CSMD3: variants seen among roughly 807,000 people sequenced by gnomAD.
The protein encoded by CSMD3 is CUB and Sushi multiple domains 3.
Under a neutral mutation model 435.2 loss-of-function variants are expected in CSMD3, and 177 were observed. The ratio of observed to expected loss-of-function variants is 0.41; its 90% CI spans 0.36 to 0.46. CSMD3 has a LOEUF of 0.46. CSMD3 is among the 20% of genes least tolerant of loss of function. CSMD3 has a pLI of 0.34. For missense variants in CSMD3, 4,265 were observed against 4,504.6 expected (o/e 0.95, Z 1.52); for synonymous variants, 1,656 against 1,520.5 (o/e 1.09, Z -2.07).
intron 13 of CSMD3, among the ~76,000 whole-genome samples, chr8:112,727,758 T>A (rs2076996319): frequency 6.6e-6 from 1 of 151,898 alleles, no homozygotes; most frequent in Admixed American, 6.6e-5. Flanking sequence ...TTACAATAAG[T>A]ATATTTTACC....
intron 5 of CSMD3, among the ~76,000 whole-genome samples, chr8:113,064,745 A>G (rs1439083182): frequency 6.6e-6 from 1 of 152,172 alleles, no homozygotes; most frequent in Non-Finnish European, 1.5e-5. Flanking sequence ...ATAAAATTAA[A>G]CATGCCACAA....
At chr8:113,057,255 C>A (rs1412704924) in intron 5 of CSMD3, among the ~76,000 whole-genome samples, 1 of 152,064 alleles carries the variant, frequency 6.6e-6, no homozygotes, top group Non-Finnish European at 1.5e-5. Flanking sequence ...ATTTCAGAAG[C>A]CCTGGCCTTA....
intron 1 of CSMD3, among the ~76,000 whole-genome samples, chr8:113,429,989 C>G (rs1287557043): frequency 6.6e-6 from 1 of 152,076 alleles, no homozygotes; most frequent in African/African-American, 2.4e-5. Context: ...AAATCAATAT[C>G]AGAATGCAGG....
chr8:112,661,446 C>A lies in CSMD3; in HGVS notation c.2816+4831G>T, dbSNP rs527712955. On this transcript the variant is annotated intron_variant, in intron 17 of 70. Coordinates refer to ENST00000297405, the MANE Select transcript of CSMD3 (RefSeq NM_198123.2). ...GGACAGAGAAAATAGTGCCTTCAAA[C>A]AAAAGTCCAAAATCAAATGTCAGAG... Among the ~76,000 whole-genome samples, 7 of 152,196 alleles carry A rather than the reference C, an allele frequency of 4.6e-5. 1 individual carries two copies. The highest frequency in any genetic ancestry group is 3.9e-4 in the Admixed American group (6 of 15,286).
chr8:113,383,204 G>A (rs574267016), intron 1 of CSMD3, among the ~76,000 whole-genome samples: 15 of 152,160 alleles, frequency 9.9e-5, no homozygotes, highest in African/African-American at 3.6e-4. Flanking sequence ...CAAAAGAGTA[G>A]GGGAATTAGG....
chr8:113,158,371 G>A (rs1310665380), intron 4 of CSMD3, among the ~76,000 whole-genome samples: 1 of 151,946 alleles, frequency 6.6e-6, no homozygotes, highest in Non-Finnish European at 1.5e-5. Flanking sequence ...GGTTCATGAA[G>A]TACATGTATC....
rs1223454596 is a variant in CSMD3 at position 112,492,471 on chromosome 8, A to G, written c.5278+18T>C. ...TTTTTCTAATCATGAAAATTCAGCC[A>G]AAAAATATGTTCCTTACCATGACAA... On this transcript the variant is annotated intron_variant, in intron 31 of 70. Coordinates refer to ENST00000297405, the MANE Select transcript of CSMD3 (RefSeq NM_198123.2). 4.4e-6 allele frequency: 7 copies of G among 1,605,686 alleles called. No individual in the cohort carries two copies. In the African/African-American group the frequency reaches 6.7e-5, roughly 15 times the overall value.
intron 5 of CSMD3, among the ~76,000 whole-genome samples, chr8:113,080,890 GA>G (rs1305907516): frequency 6.6e-6 from 1 of 152,028 alleles, no homozygotes; most frequent in East Asian, 1.9e-4. Context: ...CTGTTATTTT[GA>G]AGCAATGAAA....
chr8:112,715,274 C>T (rs376256478), intron 13 of CSMD3, among the ~76,000 whole-genome samples: 27 of 152,162 alleles, frequency 1.8e-4, no homozygotes, highest in African/African-American at 6.5e-4. Context: ...TACAAACTAC[C>T]ATCAGAGAAT....
chr8:112,871,269 C>T (rs958329074), intron 10 of CSMD3, among the ~76,000 whole-genome samples: 4 of 152,000 alleles, frequency 2.6e-5, no homozygotes, highest in African/African-American at 4.8e-5. Context: ...AATAATTTTT[C>T]AGAAATTATA....
chr8:113,219,991 A>T (rs564486939), intron 3 of CSMD3, among the ~76,000 whole-genome samples: 9 of 151,672 alleles, frequency 5.9e-5, no homozygotes, highest in African/African-American at 1.9e-4. Context: ...ACAATTCAAT[A>T]TATAAAATAG....
Position 112,314,011 on chromosome 8 carries a change from C to T in CSMD3, c.7591G>A (p.Asp2531Asn), listed in dbSNP as rs2130831771. ...GTTATATTAAAAGCAGATGAATAATCCCCACTGAGGGAAATAAGCACTGGA... is the reference window on the plus strand; with the variant it reads ...GTTATATTAAAAGCAGATGAATAATTCCCACTGAGGGAAATAAGCACTGGA... Reference protein sequence around the residue: ...QSPVLISLSGDYSSAFNITSN... With the variant: ...QSPVLISLSGNYSSAFNITSN... Residue 2531 changes from aspartate (D) to asparagine (N), a missense_variant, in exon 49 of 71, where the codon GAT (aspartate) becomes AAT (asparagine). Transcript: ENST00000297405. 1 of 1,610,690 alleles carries T rather than the reference C, an allele frequency of 6.2e-7. No individual in the cohort carries two copies. Among genetic ancestry groups the T allele is most frequent in the Middle Eastern group, 1.7e-4 (1 of 6,040 alleles).
intron 10 of CSMD3, among the ~76,000 whole-genome samples, chr8:112,896,434 A>G (rs1237103684): frequency 1.3e-5 from 2 of 151,474 alleles, no homozygotes. Flanking sequence ...TTAGACTACC[A>G]AGTTTTGAGA....
chr8:112,718,515 GTATATA>G (rs35810260), intron 13 of CSMD3, among the ~76,000 whole-genome samples: 43 of 140,462 alleles, frequency 3.1e-4, no homozygotes, highest in African/African-American at 1.0e-3. Context: ...GTATATATAT[GTATATA>G]TATATATATA....
At chr8:112,501,592 T>C (rs1453824552) in intron 30 of CSMD3, among the ~76,000 whole-genome samples, 3 of 152,332 alleles carry the variant, frequency 2.0e-5, no homozygotes, top group Middle Eastern at 3.4e-3. Context: ...TTTTTGAGTT[T>C]ACATTGGTAC....
chr8:112,415,076 G>A (rs998372317), intron 32 of CSMD3, among the ~76,000 whole-genome samples: 3 of 152,172 alleles, frequency 2.0e-5, no homozygotes, highest in African/African-American at 7.2e-5. Context: ...CATAAGTAAT[G>A]AGGAGCCAGA....
intron 58 of CSMD3, 37 bp from the exon 59 acceptor site, chr8:112,281,387 T>C (rs1207507267): frequency 6.4e-7 from 1 of 1,560,596 alleles, no homozygotes; most frequent in African/African-American, 1.4e-5. Context: ...ATATAAAAAA[T>C]GCAATCAGAA....
At chr8:112,915,059 A>C (rs966626897) in intron 10 of CSMD3, among the ~76,000 whole-genome samples, 1 of 151,942 alleles carries the variant, frequency 6.6e-6, no homozygotes, top group African/African-American at 2.4e-5. Flanking sequence ...TCTACATCAC[A>C]GGGGAATTTT....
chr8:112,494,494 C>CTTTTCTTTCTTT (rs377610586), intron 30 of CSMD3, among the ~76,000 whole-genome samples: 415 of 40,224 alleles, frequency 0.01, 62 homozygotes, highest in South Asian at 0.023. Flanking sequence ...TTCTTTCTCT[C>CTTTTCTTTCTTT]CTTTCTTTCT....
Sources: gnomAD v4.1 joint callset for allele counts (sites outside exome capture counted in the v4.1 genomes callset) on GRCh38, gnomAD v4.1.1 for gene constraint, MANE v1.5 for transcripts, NCBI Gene and HGNC (gene_info 2026-07-23, HGNC 2026-07-21) for gene names.